RGS7: variants seen among roughly 807,000 people sequenced by gnomAD.
RGS7 encodes regulator of G protein signaling 7.
Under a neutral mutation model 81.1 loss-of-function variants are expected in RGS7, and 27 were observed. That is an observed-to-expected ratio of 0.33 (90% CI 0.25 to 0.46). The LOEUF (loss-of-function observed/expected upper bound fraction) is 0.46. Ranked by LOEUF, RGS7 falls within the 20% of genes least tolerant of loss-of-function variation. RGS7 has a pLI of 1.00. For missense variants in RGS7, 396 were observed against 607.4 expected (o/e 0.65, Z 3.66); for synonymous variants, 208 against 207.7 (o/e 1.00, Z -0.01).
intron 18 of RGS7, among the ~76,000 whole-genome samples, chr1:240,793,721 T>G (rs538955707): frequency 6.6e-6 from 1 of 150,748 alleles, no homozygotes; most frequent in South Asian, 2.1e-4. Context: ...GCCATTCTCC[T>G]GCCTCAGCCT....
chr1:240,939,952 C>T (rs1677295314), intron 4 of RGS7, among the ~76,000 whole-genome samples: 1 of 152,170 alleles, frequency 6.6e-6, no homozygotes, highest in South Asian at 2.1e-4. Context: ...TGGTGGCAGG[C>T]ATCTGTAATC....
chr1:240,926,471 G>C (rs184905561), intron 6 of RGS7, among the ~76,000 whole-genome samples: 1 of 152,008 alleles, frequency 6.6e-6, no homozygotes, highest in Non-Finnish European at 1.5e-5. Context: ...TTTACTTTTG[G>C]GCTCTCAATT....
At chr1:241,201,711 C>T (rs2073513322) in intron 2 of RGS7, among the ~76,000 whole-genome samples, 1 of 151,994 alleles carries the variant, frequency 6.6e-6, no homozygotes, top group Admixed American at 6.6e-5. Flanking sequence ...TGCTATAATT[C>T]ATTTAATCCT....
intron 2 of RGS7, among the ~76,000 whole-genome samples, chr1:241,324,251 G>C (rs1435589810): frequency 6.6e-6 from 1 of 151,910 alleles, no homozygotes; most frequent in Admixed American, 6.6e-5. Flanking sequence ...TTAAGAAATA[G>C]GTAGACTATT....
chr1:241,017,905 T>G (rs1047812436), intron 3 of RGS7, among the ~76,000 whole-genome samples: 1 of 152,170 alleles, frequency 6.6e-6, no homozygotes, highest in Non-Finnish European at 1.5e-5. Context: ...GTTTCCTGTC[T>G]GTTAATTCCA....
At position 241,030,361 on chromosome 1, in the gene RGS7, C is replaced by CATATATATATATATATATATATAT. The variant is rs370562497; in HGVS notation, c.176-47233_176-47232insATATATATATATATATATATATAT. ...GCTTTGTTTTTTCCAGAACTTATAG[C>CATATATATATATATATATATATAT]ATATATATATATACATACACACATA... On this transcript the variant is annotated intron_variant, in intron 3 of 18. Transcript: ENST00000440928. Among the ~76,000 whole-genome samples the CATATATATATATATATATATATAT allele has an allele frequency of 9.2e-3, 938 of 101,828 alleles. 43 individuals are homozygous for CATATATATATATATATATATATAT. The highest frequency in any genetic ancestry group is 0.017 in the African/African-American group (425 of 25,062). 66.8% of individuals were successfully genotyped at this position (101,828 alleles called of 152,430 possible). A position where few individuals can be genotyped will look rare whatever the true frequency, so the allele number is the denominator to read the frequency against.
chr1:241,241,583 A>G (rs1346584365), intron 2 of RGS7, among the ~76,000 whole-genome samples: 4 of 152,032 alleles, frequency 2.6e-5, no homozygotes, highest in Admixed American at 2.6e-4. Context: ...TGATGATCAC[A>G]TGGAATAGTA....
At chr1:240,986,990 C>T (rs1685766774) in intron 3 of RGS7, among the ~76,000 whole-genome samples, 1 of 152,182 alleles carries the variant, frequency 6.6e-6, no homozygotes, top group African/African-American at 2.4e-5. Flanking sequence ...TACCTGTGCC[C>T]CCTGCAGAGT....
chr1:240,841,893 C>T (rs1674743), intron 9 of RGS7, among the ~76,000 whole-genome samples: 124 of 152,202 alleles, frequency 8.1e-4, no homozygotes, highest in African/African-American at 2.7e-3. Context: ...TGTTAATAAT[C>T]ATACCTAAAA....
chr1:241,025,954 C>T (rs2059760530), intron 3 of RGS7, among the ~76,000 whole-genome samples: 1 of 152,148 alleles, frequency 6.6e-6, no homozygotes, highest in Non-Finnish European at 1.5e-5. Context: ...GCTGTTCGTG[C>T]AGCACATAGC....
intron 2 of RGS7, among the ~76,000 whole-genome samples, chr1:241,099,389 CAT>C (rs1393769112): frequency 6.6e-6 from 1 of 152,052 alleles, no homozygotes; most frequent in East Asian, 1.9e-4. Flanking sequence ...TACACACACA[CAT>C]ATATGCACAC....
At chr1:240,919,776 T>C (rs1673199237) in intron 6 of RGS7, 1 of 699,550 alleles carries the variant, frequency 1.4e-6, no homozygotes, top group Non-Finnish European at 2.6e-6. Context: ...GCTCATGGAC[T>C]GTGTGGTAAT....
intron 2 of RGS7, among the ~76,000 whole-genome samples, chr1:241,257,963 T>C (rs766496257): frequency 1.3e-5 from 2 of 152,198 alleles, no homozygotes; most frequent in Non-Finnish European, 2.9e-5. Flanking sequence ...AAGATACTCA[T>C]ATAGTATAAA....
chr1:241,213,311 A>G (rs759129742), intron 2 of RGS7, among the ~76,000 whole-genome samples: 7 of 152,210 alleles, frequency 4.6e-5, no homozygotes, highest in Non-Finnish European at 1.0e-4. Context: ...ACAAATCAGA[A>G]CAAATTCTGA....
chr1:241,050,745 A>T (rs1025556910), intron 3 of RGS7, among the ~76,000 whole-genome samples: 1 of 152,188 alleles, frequency 6.6e-6, no homozygotes, highest in African/African-American at 2.4e-5. Context: ...TAAAACTGTT[A>T]TGATGATCCA....
chr1:240,978,160 A>G (rs953165599), intron 4 of RGS7, among the ~76,000 whole-genome samples: 2 of 152,212 alleles, frequency 1.3e-5, no homozygotes, highest in African/African-American at 4.8e-5. Flanking sequence ...ACATTAAGTA[A>G]TCTAAGGAGA....
chr1:240,869,940 C>CA (rs1558386148), intron 7 of RGS7, 115 bp downstream of exon 7: 75 of 959,512 alleles, frequency 7.8e-5, no homozygotes, highest in Non-Finnish European at 1.1e-4. Flanking sequence ...AACTCCATCT[C>CA]AAAAAAAAGA....
intron 4 of RGS7, among the ~76,000 whole-genome samples, chr1:240,965,814 A>G (rs542629316): frequency 6.6e-6 from 1 of 152,330 alleles, no homozygotes; most frequent in East Asian, 1.9e-4. Context: ...TTCCGTTTAC[A>G]GTACCACGTC....
intron 3 of RGS7, among the ~76,000 whole-genome samples, chr1:241,066,995 G>A (rs900935096): frequency 6.6e-6 from 1 of 152,116 alleles, no homozygotes; most frequent in Non-Finnish European, 1.5e-5. Flanking sequence ...AGTTAACATC[G>A]GGAGGTTTGA....
Sources: gnomAD v4.1 joint callset for allele counts (sites outside exome capture counted in the v4.1 genomes callset) on GRCh38, gnomAD v4.1.1 for gene constraint, MANE v1.5 for transcripts, NCBI Gene and HGNC (gene_info 2026-07-23, HGNC 2026-07-21) for gene names.